The following ZNF860 variants were observed in gnomAD, a reference collection of about 807,000 sequenced individuals.
ZNF860 encodes the protein zinc finger protein 860.
For synonymous variants in ZNF860, 206 were observed against 248.9 expected (o/e 0.83, Z 1.62); for missense variants, 641 against 759.2 (o/e 0.84, Z 1.83).
chr3:32,003,913 T>C, the ZNF860 span, among the ~76,000 whole-genome samples: 2 of 152,096 alleles, frequency 1.3e-5, no homozygotes, highest in African/African-American at 4.8e-5. Context: ...AAGGGCTCTT[T>C]TGGACTTGTT....
At chr3:31,995,912 C>T (rs575997367), downstream of ZNF860, among the ~76,000 whole-genome samples, 1 of 152,286 alleles carries the variant, frequency 6.6e-6, no homozygotes, top group South Asian at 2.1e-4. Context: ...CCATCCATGA[C>T]ATCTCCCCTT....
downstream of ZNF860, among the ~76,000 whole-genome samples, chr3:31,995,509 C>T (rs564189240): frequency 6.6e-6 from 1 of 152,256 alleles, no homozygotes; most frequent in East Asian, 1.9e-4. Context: ...TTCCCTTGTT[C>T]CCTAAAATCG....
intron 1 of ZNF860, among the ~76,000 whole-genome samples, chr3:31,984,348 G>A (rs1002568650): frequency 6.9e-6 from 1 of 145,546 alleles, no homozygotes; most frequent in South Asian, 2.2e-4. Context: ...CCCACCTAAG[G>A]TTTTTTTTTT....
At chr3:31,997,306 C>T in the ZNF860 span, among the ~76,000 whole-genome samples, 1 of 151,602 alleles carries the variant, frequency 6.6e-6, no homozygotes, top group Non-Finnish European at 1.5e-5. Context: ...CACTCTGTCG[C>T]CAGGCTGGAG....
downstream of ZNF860, among the ~76,000 whole-genome samples, chr3:31,992,711 T>A (rs940776560): frequency 6.6e-6 from 1 of 152,126 alleles, no homozygotes; most frequent in Non-Finnish European, 1.5e-5. Context: ...AAACAAACCT[T>A]GGCCAGGCAT....
At chr3:31,987,664 G>A (rs1490510311) in intron 1 of ZNF860, among the ~76,000 whole-genome samples, 1 of 152,186 alleles carries the variant, frequency 6.6e-6, no homozygotes, top group Non-Finnish European at 1.5e-5. Context: ...GCCCAGGCTT[G>A]TTTTCATGGC....
In ZNF860 at chr3:31,990,126, G is replaced by A; in HGVS notation, c.1047G>A (p.Lys349=). The A allele has an allele frequency of 6.2e-7, 1 of 1,611,608 alleles. No homozygotes were observed. The part of the protein sequence containing the change: ...EKPYKCKVCE[K]AFRRDSHLTQ... ...CATACAAATGTAAGGTTTGTGAAAA[G>A]GCTTTCAGGCGTGATTCACACCTCA... Residue 349 remains lysine, a synonymous_variant, in exon 2 of 2, where the codon AAG becomes AAA. Coordinates refer to ENST00000360311, the MANE Select transcript of ZNF860 (RefSeq NM_001137674.3).
In ZNF860 at chr3:31,989,266, G is replaced by A; in HGVS notation, c.187G>A (p.Val63Met). ...GGAGAACTACAGGAACCTGCATTCT[G>A]TGGATATCTCTTCCAAATGCATGAT... ...MLENYRNLHS[V>M]DISSKCMMKK... The change falls in exon 2 of 2, where the codon GTG (valine) becomes ATG (methionine). Residue 63 changes from valine (V) to methionine (M), a missense_variant. Transcript: ENST00000360311. The A allele has an allele frequency of 6.2e-7, 1 of 1,614,176 alleles. No homozygotes were observed. Among genetic ancestry groups the A allele is most frequent in the Admixed American group, 1.7e-5 (1 of 60,020 alleles).
chr3:31,999,430 G>A, the ZNF860 span, among the ~76,000 whole-genome samples: 4 of 143,710 alleles, frequency 2.8e-5, no homozygotes, highest in African/African-American at 5.3e-5. Flanking sequence ...GCACAATCTC[G>A]GCTCACCACA....
intron 1 of ZNF860, among the ~76,000 whole-genome samples, chr3:31,987,115 T>TACACAC (rs71628591): frequency 6.6e-6 from 1 of 151,162 alleles, no homozygotes; most frequent in African/African-American, 2.4e-5. Context: ...TGTATGTGTA[T>TACACAC]ACACACACAC....
chr3:31,985,242 A>C (rs907527601), intron 1 of ZNF860, among the ~76,000 whole-genome samples: 9 of 152,298 alleles, frequency 5.9e-5, no homozygotes, highest in Admixed American at 3.9e-4. Context: ...CCATCTCAAA[A>C]AATGTTTTAA....
At chr3:32,001,265 T>C in the ZNF860 span, among the ~76,000 whole-genome samples, 16 of 152,104 alleles carry the variant, frequency 1.1e-4, no homozygotes, top group South Asian at 2.1e-4. Flanking sequence ...AACTTCCCGG[T>C]CTCCAACCCT....
Position 31,990,342 on chromosome 3 carries a change from T to C in ZNF860, c.1263T>C (p.Asn421=). 2.5e-6 allele frequency: 4 copies of C among 1,614,114 alleles called. No individual in the cohort carries two copies. The highest frequency in any genetic ancestry group is 3.4e-6 in the Non-Finnish European group (4 of 1,179,996). ...TTIANHWRIH[N]EERSYKCNKC... ...TTGCAAATCATTGGAGAATCCATAA[T>C]GAAGAGAGATCTTACAAGTGTAATA... is the stretch of plus-strand genomic sequence containing the variant. Residue 421 remains asparagine, a synonymous_variant, in exon 2 of 2, where the codon AAT becomes AAC. Transcript: ENST00000360311.
At chr3:31,997,408 G>T in the ZNF860 span, among the ~76,000 whole-genome samples, 1 of 151,616 alleles carries the variant, frequency 6.6e-6, no homozygotes, top group Non-Finnish European at 1.5e-5. Context: ...GGGATTACAA[G>T]CACGAGCCAC....
At chr3:31,996,513 T>C (rs1245470238), downstream of ZNF860, among the ~76,000 whole-genome samples, 2 of 151,446 alleles carry the variant, frequency 1.3e-5, no homozygotes, top group Non-Finnish European at 2.9e-5. Context: ...GAGAAGGGGG[T>C]TAGTGGACCT....
At chr3:31,999,785 T>G in the ZNF860 span, among the ~76,000 whole-genome samples, 1 of 152,106 alleles carries the variant, frequency 6.6e-6, no homozygotes, top group Non-Finnish European at 1.5e-5. Context: ...CACAGCCCGG[T>G]GAAATGAGAC....
chr3:32,003,889 C>A, the ZNF860 span, among the ~76,000 whole-genome samples: 1 of 152,134 alleles, frequency 6.6e-6, no homozygotes, highest in Non-Finnish European at 1.5e-5. Flanking sequence ...AGTTCTAGAA[C>A]ACGGGCTAAT....
rs775405001 is a variant in ZNF860 at position 31,989,044 on chromosome 3, A to G, written c.-36A>G. ...AGCAGGAAGCAGATCGCCTCAGTGA[A>G]GGTCACACTGCAGCACTATTGATTT... On this transcript the variant is annotated 5_prime_UTR_variant, in exon 2 of 2. Transcript: ENST00000360311. The G allele has an allele frequency of 5.6e-6, 9 of 1,610,480 alleles. No individual in the cohort carries two copies. Among genetic ancestry groups the G allele is most frequent in the Middle Eastern group, 1.7e-4 (1 of 5,762 alleles).
At chr3:31,983,296 C>A (rs1269277440) in intron 1 of ZNF860, among the ~76,000 whole-genome samples, 1 of 152,102 alleles carries the variant, frequency 6.6e-6, no homozygotes, top group Non-Finnish European at 1.5e-5. Context: ...AACAACATGC[C>A]TTTTATTGGA....
Sources: gnomAD v4.1 joint callset for allele counts (sites outside exome capture counted in the v4.1 genomes callset) on GRCh38, gnomAD v4.1.1 for gene constraint, MANE v1.5 for transcripts, NCBI Gene and HGNC (gene_info 2026-07-23, HGNC 2026-07-21) for gene names.